The following DMD variants were observed in gnomAD, a reference collection of about 807,000 sequenced individuals.
DMD encodes mutant dystrophin.
A neutral mutation model predicts 330.1 loss-of-function variants in DMD; 63 were observed. The observed-to-expected ratio is 0.19, with a 90% CI of 0.16 to 0.24. DMD has a LOEUF of 0.24. DMD is among the 10% of genes least tolerant of loss of function. DMD has a pLI of 1.00. For synonymous variants in DMD, 1,223 were observed against 959.8 expected (o/e 1.27, Z -5.07); for missense variants, 3,344 against 2,684.1 (o/e 1.25, Z -5.43).
intron 17 of DMD, among the ~76,000 whole-genome samples, chrX:32,527,091 C>T (rs1220806889): frequency 9.0e-6 from 1 of 111,494 alleles, no homozygotes; most frequent in Non-Finnish European, 1.9e-5. Context: ...TTCATAAAAA[C>T]TTATAAGCCT....
intron 44 of DMD, among the ~76,000 whole-genome samples, chrX:32,155,974 AC>A (rs1187557286): frequency 1.5e-3 from 9 of 6,072 alleles, no homozygotes; most frequent in African/African-American, 7.2e-3. Flanking sequence ...TTGTCATTCA[AC>A]ACACACACAC....
intron 1 of DMD, among the ~76,000 whole-genome samples, chrX:33,085,311 T>C (rs1603255886): frequency 1.8e-5 from 2 of 111,637 alleles, no homozygotes; most frequent in Admixed American, 1.9e-4. Flanking sequence ...CTTACAAAGA[T>C]ATAATTCAGT....
chrX:33,231,913 C>A (rs1420428268), intron 1 of DMD, among the ~76,000 whole-genome samples: 1 of 111,428 alleles, frequency 9.0e-6, no homozygotes. Context: ...CCAAAACCAA[C>A]AGGAGACTAC....
intron 2 of DMD, among the ~76,000 whole-genome samples, chrX:33,017,145 C>T (rs973484565): frequency 9.0e-6 from 1 of 110,881 alleles, no homozygotes; most frequent in Admixed American, 9.7e-5. Flanking sequence ...TAAAATGGTA[C>T]CAGGAAAGTG....
intron 43 of DMD, among the ~76,000 whole-genome samples, chrX:32,264,411 C>G (rs781092022): frequency 9.0e-6 from 1 of 111,370 alleles, no homozygotes; most frequent in South Asian, 3.8e-4. Context: ...ATTGGTACCA[C>G]AGAGAGTGGG....
intron 47 of DMD, among the ~76,000 whole-genome samples, chrX:31,891,479 A>G (rs1326736190): frequency 5.4e-5 from 6 of 111,890 alleles, no homozygotes; most frequent in Admixed American, 9.5e-5. Flanking sequence ...CTTATGGGTC[A>G]CATTCAGCCA....
At chrX:31,288,016 G>A (rs1283483514) in intron 62 of DMD, among the ~76,000 whole-genome samples, 1 of 111,382 alleles carries the variant, frequency 9.0e-6, no homozygotes, top group Non-Finnish European at 1.9e-5. Context: ...AGATTCCAGT[G>A]TTCAAAAAAG....
intron 50 of DMD, among the ~76,000 whole-genome samples, chrX:31,782,212 A>T (rs916283443): frequency 2.7e-5 from 3 of 111,523 alleles, no homozygotes; most frequent in Admixed American, 9.6e-5. Context: ...ACTTTTGTCA[A>T]GAGATATTCC....
intron 43 of DMD, among the ~76,000 whole-genome samples, chrX:32,278,256 A>G (rs958253346): frequency 7.2e-5 from 8 of 111,606 alleles, no homozygotes; most frequent in Non-Finnish European, 1.5e-4. Context: ...CCAAGATTAA[A>G]CCATAAAGAA....
At chrX:32,491,637 T>A in intron 19 of DMD, 119 bp from the exon 20 acceptor site, 1 of 672,433 alleles carries the variant, frequency 1.5e-6, no homozygotes, top group Non-Finnish European at 2.2e-6. Context: ...TCAAACCAGA[T>A]CAATTATTTT....
At chrX:31,730,300 T>C (rs907771513) in intron 51 of DMD, among the ~76,000 whole-genome samples, 1 of 111,446 alleles carries the variant, frequency 9.0e-6, no homozygotes, top group African/African-American at 3.3e-5. Flanking sequence ...CACCAAACCT[T>C]TTTGCCTCCC....
chrX:32,705,173 T>A (rs1459526019), intron 7 of DMD, among the ~76,000 whole-genome samples: 1 of 112,202 alleles, frequency 8.9e-6, no homozygotes, highest in Non-Finnish European at 1.9e-5. Flanking sequence ...ACTCCTCCCA[T>A]GTTAAATTTT....
chrX:31,180,756 A>G (rs1451615832), intron 68 of DMD, among the ~76,000 whole-genome samples: 1 of 111,797 alleles, frequency 8.9e-6, no homozygotes, highest in East Asian at 2.8e-4. Flanking sequence ...ACTCTTTGAG[A>G]TTAAGTAGGA....
At chrX:32,950,368 G>A (rs66798150) in intron 2 of DMD, among the ~76,000 whole-genome samples, 2 of 110,482 alleles carry the variant, frequency 1.8e-5, no homozygotes, top group East Asian at 2.9e-4. Flanking sequence ...CATTATGGAG[G>A]TAGTAAGTAG....
chrX:32,430,356 ACTTTC>A (rs1293494802), intron 29 of DMD, among the ~76,000 whole-genome samples: 1 of 111,332 alleles, frequency 9.0e-6, no homozygotes, highest in East Asian at 2.8e-4. Context: ...GCTCTTGGAA[ACTTTC>A]CTTTAATATC....
chrX:32,971,114 A>G (rs1251491712), intron 2 of DMD, among the ~76,000 whole-genome samples: 1 of 110,835 alleles, frequency 9.0e-6, no homozygotes, highest in South Asian at 3.9e-4. Flanking sequence ...GATGCCTGCC[A>G]CCAGGTCAGG....
At chrX:32,231,140 A>G (rs1238476053) in intron 43 of DMD, among the ~76,000 whole-genome samples, 2 of 112,324 alleles carry the variant, frequency 1.8e-5, no homozygotes, top group African/African-American at 3.2e-5. Context: ...AAATGGAATC[A>G]TATGTCTTTG....
intron 7 of DMD, among the ~76,000 whole-genome samples, chrX:32,738,506 A>C (rs1428866922): frequency 1.8e-5 from 2 of 111,872 alleles, no homozygotes; most frequent in Non-Finnish European, 3.8e-5. Context: ...CTTAAATAAG[A>C]AACTCCAGGT....
intron 1 of DMD, among the ~76,000 whole-genome samples, chrX:33,033,373 T>G (rs1297526281): frequency 9.3e-6 from 1 of 107,490 alleles, no homozygotes; most frequent in Non-Finnish European, 1.9e-5. Context: ...ATATCTTGAT[T>G]GACTAATCAT....
Sources: allele counts gnomAD v4.1 joint callset (sites outside exome capture counted in the v4.1 genomes callset), GRCh38; gene constraint gnomAD v4.1.1; transcripts MANE v1.5; gene names NCBI Gene and HGNC (gene_info 2026-07-23, HGNC 2026-07-21).